The following LACTB2 variants were observed in gnomAD, a reference collection of about 807,000 sequenced individuals.
LACTB2 encodes lactamase beta 2.
LACTB2 carries 32 observed loss-of-function variants against 34.8 expected under a neutral mutation model. The observed-to-expected ratio is 0.92, with a 90% CI of 0.69 to 1.24. The LOEUF (loss-of-function observed/expected upper bound fraction) is 1.24. LACTB2 is among the 50% of genes most tolerant of loss of function. The probability of loss-of-function intolerance (pLI) is 0.00; values close to 1 mark genes in which losing one functional copy is unlikely to be tolerated. For missense variants in LACTB2, 320 were observed against 345.0 expected (o/e 0.93, Z 0.57); for synonymous variants, 120 against 117.5 (o/e 1.02, Z -0.14).
At chr8:70,661,934 C>T in intron 1 of LACTB2, 37 bp from the exon 2 acceptor site, 1 of 1,538,264 alleles carries the variant, frequency 6.5e-7, no homozygotes, top group African/African-American at 1.4e-5. Context: ...ACAATTGGAA[C>T]ACTGCGTTGA....
chr8:70,664,021 C>T (rs1818511274), intron 1 of LACTB2, among the ~76,000 whole-genome samples: 1 of 152,126 alleles, frequency 6.6e-6, no homozygotes. Flanking sequence ...GACTATAATA[C>T]TATGATACCT....
Position 70,657,606 on chromosome 8 carries a change from T to A in LACTB2, c.413+150A>T. 2.1e-5 allele frequency: 12 copies of A among 563,858 alleles called. No individual in the cohort carries two copies. The South Asian group carries it at 3.4e-4, about 16-fold the overall frequency. The allele number at this position is 563,858 out of a possible 1,614,324, so 34.9% of individuals were successfully genotyped here. A position where few individuals can be genotyped will look rare whatever the true frequency, so the allele number is the denominator to read the frequency against. ...CCACCATGCTCAGCTAATTAAATTTTTTTTTGGTATTGCCCAGGCTGGTCT... is the reference window on the plus strand; with the variant it reads ...CCACCATGCTCAGCTAATTAAATTTATTTTTGGTATTGCCCAGGCTGGTCT... On this transcript the variant is annotated intron_variant, in intron 3 of 6. Transcript: ENST00000276590.
Position 70,641,051 on chromosome 8 carries a change from C to A in LACTB2, c.593-1G>T. ...GCATTATGAATTACTGGGCCATGTC[C>A]TGAATTAAAATAATTATAAGAGTTA... is the stretch of plus-strand genomic sequence containing the variant. On this transcript the variant is annotated splice_acceptor_variant, in intron 4 of 6. Coordinates refer to ENST00000276590, the MANE Select transcript of LACTB2 (RefSeq NM_016027.3). LOFTEE classifies it high-confidence loss of function. The A allele has an allele frequency of 6.3e-7, 1 of 1,588,260 alleles. No individual in the cohort carries two copies. Among genetic ancestry groups the A allele is most frequent in the Non-Finnish European group, 8.5e-7 (1 of 1,171,774 alleles).
At chr8:70,654,069 A>T (rs2132075943) in intron 3 of LACTB2, 1 of 152,338 alleles carries the variant, frequency 6.6e-6, no homozygotes, top group East Asian at 1.9e-4. Context: ...TTTTAAGGAG[A>T]CACTTACCCC....
intron 1 of LACTB2, among the ~76,000 whole-genome samples, chr8:70,663,972 C>G (rs982054945): frequency 6.6e-6 from 1 of 152,152 alleles, no homozygotes; most frequent in Non-Finnish European, 1.5e-5. Context: ...CTGCACTTAG[C>G]ATTGTGCATA....
chr8:70,655,561 C>CAT (rs751083332), intron 3 of LACTB2, among the ~76,000 whole-genome samples: 20 of 152,118 alleles, frequency 1.3e-4, no homozygotes, highest in East Asian at 5.8e-4. Context: ...AGTATTCCAT[C>CAT]ATATATATAT....
At chr8:70,650,440 C>G (rs77371006) in intron 3 of LACTB2, among the ~76,000 whole-genome samples, 1 of 152,138 alleles carries the variant, frequency 6.6e-6, no homozygotes, top group African/African-American at 2.4e-5. Flanking sequence ...TACTTAAACT[C>G]TCCTGGAGCA....
Position 70,661,714 on chromosome 8 carries a change from A to C in LACTB2, c.286+20T>G, listed in dbSNP as rs1375683892. The C allele has an allele frequency of 1.2e-6, 2 of 1,600,732 alleles. No individual in the cohort carries two copies. The stretch of plus-strand genomic sequence containing the variant: ...AAACACGGCTTTCCTCAATGAGCTT[A>C]ATGAATGTTTTCTGTTTACCATTAT... On this transcript the variant is annotated intron_variant, in intron 2 of 6. Coordinates refer to ENST00000276590, the MANE Select transcript of LACTB2 (RefSeq NM_016027.3).
intron 3 of LACTB2, among the ~76,000 whole-genome samples, chr8:70,647,935 G>A (rs1038345794): frequency 8.0e-6 from 1 of 124,438 alleles, no homozygotes; most frequent in Non-Finnish European, 1.7e-5. Context: ...ATAGATGCAG[G>A]AAGTGACAAT....
intron 1 of LACTB2, among the ~76,000 whole-genome samples, chr8:70,666,797 T>C (rs1243478034): frequency 6.6e-6 from 1 of 152,172 alleles, no homozygotes; most frequent in Non-Finnish European, 1.5e-5. Flanking sequence ...TATTTAGGCA[T>C]TTCCTTTGAT....
chr8:70,640,111 C>A (rs1303762536), intron 5 of LACTB2, among the ~76,000 whole-genome samples: 1 of 152,162 alleles, frequency 6.6e-6, no homozygotes, highest in Non-Finnish European at 1.5e-5. Flanking sequence ...CAGGCATGTT[C>A]CATGACACCT....
At chr8:70,643,506 G>A (rs1189851306) in intron 4 of LACTB2, among the ~76,000 whole-genome samples, 1 of 141,204 alleles carries the variant, frequency 7.1e-6, no homozygotes, top group Non-Finnish European at 1.6e-5. Context: ...TTTTAAAGAA[G>A]TAGTTGATAT....
chr8:70,662,667 G>C (rs1302643845), intron 1 of LACTB2: 3 of 151,618 alleles, frequency 2.0e-5, no homozygotes, highest in African/African-American at 7.3e-5. Flanking sequence ...TAAAGACATG[G>C]GGGTGACATG....
At chr8:70,661,955 A>G (rs1818485561) in intron 1 of LACTB2, 58 bp from the exon 2 acceptor site, 1 of 1,395,742 alleles carries the variant, frequency 7.2e-7, no homozygotes, top group Non-Finnish European at 9.7e-7. Context: ...CATTAGCATT[A>G]TTTTGCACAC....
chr8:70,655,845 C>T (rs938949701), intron 3 of LACTB2, among the ~76,000 whole-genome samples: 5 of 152,010 alleles, frequency 3.3e-5, no homozygotes, highest in African/African-American at 9.7e-5. Context: ...CTGTTCACCG[C>T]ATCCACACCA....
intron 3 of LACTB2, among the ~76,000 whole-genome samples, chr8:70,656,369 A>G (rs564536844): frequency 2.4e-3 from 367 of 152,314 alleles, no homozygotes; most frequent in African/African-American, 8.6e-3. Context: ...ATAAGGTGAG[A>G]GATGAGGATC....
At chr8:70,663,760 G>A (rs1466074765) in intron 1 of LACTB2, among the ~76,000 whole-genome samples, 1 of 152,126 alleles carries the variant, frequency 6.6e-6, no homozygotes, top group East Asian at 1.9e-4. Flanking sequence ...GAGTTCTGAT[G>A]CTATTCCTAG....
chr8:70,664,772 G>A (rs1818518295), intron 1 of LACTB2, among the ~76,000 whole-genome samples: 1 of 152,062 alleles, frequency 6.6e-6, no homozygotes, highest in Non-Finnish European at 1.5e-5. Context: ...TATTTCTTTT[G>A]ATCCTCATAT....
At chr8:70,646,807 A>G (rs945103063) in intron 3 of LACTB2, 2 of 152,250 alleles carry the variant, frequency 1.3e-5, no homozygotes, top group South Asian at 2.1e-4. Context: ...AATTCTCTGT[A>G]CTGGTCACTG....
Sources: gnomAD v4.1 joint callset for allele counts (sites outside exome capture counted in the v4.1 genomes callset) on GRCh38, gnomAD v4.1.1 for gene constraint, MANE v1.5 for transcripts, NCBI Gene and HGNC (gene_info 2026-07-23, HGNC 2026-07-21) for gene names.